RFX3: variants seen among roughly 807,000 people sequenced by gnomAD.
RFX3 encodes regulatory factor X3.
RFX3 carries 14 observed loss-of-function variants against 98.6 expected under a neutral mutation model. The observed-to-expected ratio is 0.14, with a 90% CI of 0.09 to 0.22. The LOEUF is 0.22. Among genes scored for constraint, RFX3 ranks in the 10% least tolerant of loss-of-function variants. The pLI is 1.00. For missense variants in RFX3, 639 were observed against 926.9 expected, an observed-to-expected ratio of 0.69 and a Z score of 4.03; for synonymous variants, 383 against 328.4, an observed-to-expected ratio of 1.17 and a Z score of -1.80.
intron 4 of RFX3, among the ~76,000 whole-genome samples, chr9:3,316,032 A>G (rs1830545601): frequency 1.3e-5 from 2 of 152,202 alleles, no homozygotes; most frequent in Admixed American, 1.3e-4. Flanking sequence ...TTATGAGGCC[A>G]ACATCATCCT....
chr9:3,269,985 G>C (rs1345004721), intron 11 of RFX3, among the ~76,000 whole-genome samples: 1 of 151,742 alleles, frequency 6.6e-6, no homozygotes, highest in Non-Finnish European at 1.5e-5. Flanking sequence ...CGGTTGACTG[G>C]CCTGCTAGTG....
At chr9:3,449,871 A>T (rs1340875045) in intron 1 of RFX3, among the ~76,000 whole-genome samples, 2 of 148,504 alleles carry the variant, frequency 1.3e-5, no homozygotes, top group African/African-American at 4.9e-5. Flanking sequence ...CTGTCTCAAT[A>T]AAAAAAAAAG....
intron 1 of RFX3, among the ~76,000 whole-genome samples, chr9:3,416,886 G>C (rs933893115): frequency 6.6e-6 from 1 of 151,884 alleles, no homozygotes; most frequent in Non-Finnish European, 1.5e-5. Flanking sequence ...AAATCCAACC[G>C]TATTAATAAT....
chr9:3,370,633 A>G (rs1288757460), intron 2 of RFX3, among the ~76,000 whole-genome samples: 1 of 152,154 alleles, frequency 6.6e-6, no homozygotes, highest in Non-Finnish European at 1.5e-5. Context: ...GGGTTACACA[A>G]TCACTTCTCA....
chr9:3,467,941 C>T (rs1467064249), intron 1 of RFX3, among the ~76,000 whole-genome samples: 1 of 152,176 alleles, frequency 6.6e-6, no homozygotes, highest in Non-Finnish European at 1.5e-5. Flanking sequence ...TCCTTGCAAC[C>T]ATGGCTTCTG....
chr9:3,308,332 A>C (rs1829567793), intron 4 of RFX3, among the ~76,000 whole-genome samples: 1 of 151,934 alleles, frequency 6.6e-6, no homozygotes, highest in African/African-American at 2.4e-5. Context: ...AAAGATGGGA[A>C]CCCTCCATTC....
chr9:3,413,763 T>C (rs1250631018), intron 1 of RFX3, among the ~76,000 whole-genome samples: 1 of 152,148 alleles, frequency 6.6e-6, no homozygotes, highest in East Asian at 1.9e-4. Context: ...AGCAGTTCTC[T>C]TGACAACTCT....
intron 1 of RFX3, among the ~76,000 whole-genome samples, chr9:3,463,861 C>G (rs1456465444): frequency 6.6e-6 from 1 of 152,044 alleles, no homozygotes; most frequent in African/African-American, 2.4e-5. Flanking sequence ...ACGGTCCCAG[C>G]TCCTCAGAGG....
chr9:3,357,243 C>T (rs963848508), intron 2 of RFX3, among the ~76,000 whole-genome samples: 3 of 151,930 alleles, frequency 2.0e-5, no homozygotes, highest in Non-Finnish European at 2.9e-5. Flanking sequence ...TATTTTCAAA[C>T]ATAGCCTCTC....
intron 1 of RFX3, among the ~76,000 whole-genome samples, chr9:3,431,973 T>C (rs1243894300): frequency 1.3e-5 from 2 of 152,176 alleles, no homozygotes. Context: ...CCACTATTTG[T>C]GCAAATGCCG....
chr9:3,304,443 G>A (rs184052581), intron 4 of RFX3, among the ~76,000 whole-genome samples: 9 of 151,576 alleles, frequency 5.9e-5, no homozygotes, highest in African/African-American at 2.2e-4. Context: ...AGAGAGACAG[G>A]GTATACACAT....
chr9:3,366,754 T>TTTCTTTCTTTC (rs1339066119), intron 2 of RFX3, among the ~76,000 whole-genome samples: 5 of 72,736 alleles, frequency 6.9e-5, no homozygotes, highest in East Asian at 4.4e-4. Context: ...TTCTTTCTTT[T>TTTCTTTCTTTC]TGGCTATTCT....
intron 1 of RFX3, among the ~76,000 whole-genome samples, chr9:3,490,837 T>C (rs1850667607): frequency 6.6e-6 from 1 of 152,146 alleles, no homozygotes; most frequent in Non-Finnish European, 1.5e-5. Context: ...AAGAAAGATC[T>C]TTTGTTCAAG....
chr9:3,366,698 CTTTCTTTCT>C (rs1179920141), intron 2 of RFX3, among the ~76,000 whole-genome samples: 4 of 61,746 alleles, frequency 6.5e-5, no homozygotes, highest in African/African-American at 2.6e-4. Flanking sequence ...TCTTTCCTTT[CTTTCTTTCT>C]TTCTTTCTTT....
intron 2 of RFX3, among the ~76,000 whole-genome samples, chr9:3,366,490 T>G (rs1046033825): frequency 6.6e-6 from 1 of 152,168 alleles, no homozygotes; most frequent in Non-Finnish European, 1.5e-5. Flanking sequence ...TGAACTAAGT[T>G]TTCATTTATA....
rs115819013 is a variant in RFX3 at position 3,303,572 on chromosome 9, C to T, written c.475-1952G>A. The stretch of plus-strand genomic sequence containing the variant: ...CCAGATACATAATTGCTGAGCAACA[C>T]TAAAGGAGAAGTCCATGCTCTCAGT... On this transcript the variant is annotated intron_variant, in intron 4 of 16. Transcript: ENST00000617270. 4.7e-3 allele frequency among the ~76,000 whole-genome samples: 717 copies of T among 151,668 alleles called. 5 individuals are homozygous for T. Among genetic ancestry groups the T allele is most frequent in the African/African-American group, 0.017 (690 of 41,366 alleles).
At chr9:3,313,454 T>C (rs1283119452) in intron 4 of RFX3, among the ~76,000 whole-genome samples, 2 of 152,182 alleles carry the variant, frequency 1.3e-5, no homozygotes, top group Admixed American at 6.5e-5. Flanking sequence ...AAAATCAAAG[T>C]GCTTCTTCTC....
intron 6 of RFX3, among the ~76,000 whole-genome samples, chr9:3,290,046 T>C (rs897454860): frequency 2.0e-5 from 3 of 152,130 alleles, no homozygotes; most frequent in African/African-American, 7.2e-5. Flanking sequence ...GTAGAAAGAA[T>C]GTCTAGTACC....
chr9:3,357,454 G>T (rs1454342722), intron 2 of RFX3, among the ~76,000 whole-genome samples: 1 of 151,808 alleles, frequency 6.6e-6, no homozygotes, highest in African/African-American at 2.4e-5. Flanking sequence ...ACAATTACAA[G>T]AGAAATTAGA....
Sources: gnomAD v4.1 joint callset for allele counts (sites outside exome capture counted in the v4.1 genomes callset) on GRCh38, gnomAD v4.1.1 for gene constraint, MANE v1.5 for transcripts, NCBI Gene and HGNC (gene_info 2026-07-23, HGNC 2026-07-21) for gene names.